HIVEP1: variants seen among roughly 807,000 people sequenced by gnomAD.
HIVEP1 encodes the protein zinc finger protein 40.
A neutral mutation model predicts 180.0 loss-of-function variants in HIVEP1; 36 were observed. The ratio of observed to expected loss-of-function variants is 0.20; its 90% CI spans 0.15 to 0.26. The LOEUF (loss-of-function observed/expected upper bound fraction) is 0.26. Among genes scored for constraint, HIVEP1 ranks in the 10% least tolerant of loss-of-function variants. The pLI is 1.00. For synonymous variants in HIVEP1, 1,239 were observed against 1,239.0 expected, an observed-to-expected ratio of 1.00 and a Z score of 0.00; for missense variants, 3,143 against 3,268.7, an observed-to-expected ratio of 0.96 and a Z score of 0.94.
At position 12,125,324 on chromosome 6, in the gene HIVEP1, C is replaced by T. The variant is rs758098427; in HGVS notation, c.5529C>T (p.Cys1843=). 6.2e-6 allele frequency: 10 copies of T among 1,613,904 alleles called. No homozygotes were observed. The Admixed American group carries it at 1.5e-4, about 24-fold the overall frequency. ...VLPADNSSTG[C]SKFVVIEPIS... is the part of the protein sequence containing the mutation. ...CAGCTGATAATTCATCAACAGGATGCTCTAAATTTGTCGTTATAGAACCTA... is the reference window on the plus strand; with the variant it reads ...CAGCTGATAATTCATCAACAGGATGTTCTAAATTTGTCGTTATAGAACCTA... The change falls in exon 4 of 9, where the codon TGC becomes TGT. Residue 1843 remains cysteine (C), a synonymous_variant. Coordinates refer to ENST00000379388, the MANE Select transcript of HIVEP1 (RefSeq NM_002114.4).
intron 7 of HIVEP1, among the ~76,000 whole-genome samples, chr6:12,141,852 C>T (rs1265567407): frequency 6.6e-6 from 1 of 151,978 alleles, no homozygotes; most frequent in African/African-American, 2.4e-5. Context: ...AATATATATG[C>T]ACCCAATACA....
chr6:12,160,370 A>C (rs1760321130), intron 7 of HIVEP1, among the ~76,000 whole-genome samples: 1 of 152,222 alleles, frequency 6.6e-6, no homozygotes, highest in Non-Finnish European at 1.5e-5. Flanking sequence ...ATCATATCAC[A>C]GAAGAAATTG....
intron 2 of HIVEP1, among the ~76,000 whole-genome samples, chr6:12,029,998 G>A (rs1299961749): frequency 6.6e-6 from 1 of 152,000 alleles, no homozygotes; most frequent in East Asian, 1.9e-4. Context: ...CAGCAACGTT[G>A]CTTTTTTAAT....
At chr6:12,087,464 G>C (rs963033614) in intron 2 of HIVEP1, among the ~76,000 whole-genome samples, 6 of 151,988 alleles carry the variant, frequency 3.9e-5, no homozygotes, top group Admixed American at 1.3e-4. Flanking sequence ...TATTATTTAT[G>C]ATTCTTAAGT....
chr6:12,198,058 T>C, the HIVEP1 span, among the ~76,000 whole-genome samples: 1 of 152,192 alleles, frequency 6.6e-6, no homozygotes, highest in African/African-American at 2.4e-5. Context: ...GCTATTGGCC[T>C]CAATGTTGGA....
intron 3 of HIVEP1, among the ~76,000 whole-genome samples, chr6:12,101,843 A>G (rs1289438294): frequency 1.3e-5 from 2 of 152,066 alleles, no homozygotes; most frequent in Admixed American, 1.3e-4. Flanking sequence ...CTGACTATAC[A>G]CTGTCTGCAC....
chr6:12,154,937 T>C (rs1759934169), intron 7 of HIVEP1, among the ~76,000 whole-genome samples: 1 of 152,224 alleles, frequency 6.6e-6, no homozygotes, highest in Non-Finnish European at 1.5e-5. Flanking sequence ...AACCCAGCTT[T>C]TGGTTTCCTT....
the HIVEP1 span, among the ~76,000 whole-genome samples, chr6:12,195,004 C>T: frequency 1.3e-5 from 2 of 152,094 alleles, no homozygotes; most frequent in African/African-American, 2.4e-5. Context: ...TCTTTGTCCT[C>T]TATAAAGAGG....
At chr6:12,096,557 T>TA (rs1297161206) in intron 3 of HIVEP1, among the ~76,000 whole-genome samples, 4 of 151,588 alleles carry the variant, frequency 2.6e-5, no homozygotes, top group Non-Finnish European at 4.4e-5. Context: ...ATGATATTAT[T>TA]AAAAAAATAT....
Position 12,123,666 on chromosome 6 carries a change from C to T in HIVEP1, c.3871C>T (p.His1291Tyr). The T allele has an allele frequency of 2.5e-6, 4 of 1,614,018 alleles. No homozygotes were observed. Among genetic ancestry groups the T allele is most frequent in the Non-Finnish European group, 3.4e-6 (4 of 1,180,000 alleles). The stretch of plus-strand genomic sequence containing the variant: ...AAGGCTCCGTCTGGCTGAGATAGAA[C>T]ATTCCTCAACAGAATCGAGCTTTGA... ...KKRLRLAEIE[H>Y]SSTESSFDST... Residue 1291 changes from histidine (H) to tyrosine (Y), a missense_variant, in exon 4 of 9, where the codon CAT becomes TAT. His to Tyr is a moderately conservative substitution (Grantham distance 83). Transcript: ENST00000379388.
chr6:12,171,603 AAAT>A, the HIVEP1 span, among the ~76,000 whole-genome samples: 1 of 151,708 alleles, frequency 6.6e-6, no homozygotes, highest in Admixed American at 6.5e-5. Context: ...CACAGAGCAG[AAAT>A]AATAAAAAAG....
chr6:12,075,088 C>T (rs1772261344), intron 2 of HIVEP1, among the ~76,000 whole-genome samples: 2 of 152,232 alleles, frequency 1.3e-5, no homozygotes, highest in South Asian at 4.1e-4. Flanking sequence ...CCGCCCCTTT[C>T]CTCAGGGCTG....
At chr6:12,008,148 C>A (rs1318299937), upstream of HIVEP1, 1 of 152,036 alleles carries the variant, frequency 6.6e-6, no homozygotes, top group Non-Finnish European at 1.5e-5. Flanking sequence ...AAAAGAAAAT[C>A]AACAGTTACA....
rs1192092497 is a variant in HIVEP1 at position 12,123,765 on chromosome 6, A to G, written c.3970A>G (p.Ile1324Val). The G allele has an allele frequency of 6.2e-7, 1 of 1,614,204 alleles. No homozygotes were observed. Among genetic ancestry groups the G allele is most frequent in the African/African-American group, 1.3e-5 (1 of 75,050 alleles). Residue 1324 changes from isoleucine (I) to valine (V), a missense_variant, in exon 4 of 9, where the codon ATA becomes GTA. Physicochemically the swap from Ile to Val is conservative, Grantham distance 29. Around this residue, in one of 12 missense-constraint regions of HIVEP1, gnomAD observed 1,357 missense variants for 1,260.5 expected, o/e 1.08. Transcript: ENST00000379388. Reference sequence around the variant, plus strand: ...TTCAAGTTTCTCAGCCTCTTTAGACATAGAGGACGTTTCTAAAACGGAGGC... The same window carrying G: ...TTCAAGTTTCTCAGCCTCTTTAGACGTAGAGGACGTTTCTAAAACGGAGGC... ...HTSSFSASLDIEDVSKTEASP... is the reference protein window; with the variant it reads ...HTSSFSASLDVEDVSKTEASP...
chr6:12,135,838 G>T lies in HIVEP1; in HGVS notation c.6433G>T (p.Val2145Leu), dbSNP rs372234613. ...GTCCAAGGCACATAGCAAGAAATGT[G>T]TGGATTTAGGCGTCTCAGTAGGTTT... The part of the protein sequence containing the change: ...MKSKAHSKKC[V>L]DLGVSVGLID... Residue 2145 changes from valine to leucine, a missense_variant, in exon 7 of 9, where the codon GTG (valine) becomes TTG (leucine). This residue lies in a region of HIVEP1 where 126 missense variants were observed against 168.5 expected (regional missense o/e 0.75). Transcript: ENST00000379388. 6.2e-7 allele frequency: 1 copy of T among 1,612,886 alleles called. No individual in the cohort carries two copies. Among genetic ancestry groups the T allele is most frequent in the Non-Finnish European group, 8.5e-7 (1 of 1,179,112 alleles).
intron 2 of HIVEP1, chr6:12,020,524 C>A (rs1440651298): frequency 1.6e-5 from 7 of 451,232 alleles, no homozygotes; most frequent in Non-Finnish European, 2.8e-5. Context: ...TTCGCTTGGA[C>A]CCTTGAGTAA....
At chr6:12,211,409 A>G in the HIVEP1 span, among the ~76,000 whole-genome samples, 7 of 125,464 alleles carry the variant, frequency 5.6e-5, no homozygotes, top group Non-Finnish European at 6.6e-5. Context: ...CAAAAAAAAA[A>G]AAAAAGAAAA....
chr6:12,128,309 C>T (rs906847129), intron 4 of HIVEP1, among the ~76,000 whole-genome samples: 2 of 152,164 alleles, frequency 1.3e-5, no homozygotes, highest in African/African-American at 4.8e-5. Flanking sequence ...TTTTGAGGAA[C>T]ATGGGCCAGC....
chr6:12,195,205 C>G, the HIVEP1 span, among the ~76,000 whole-genome samples: 5 of 152,312 alleles, frequency 3.3e-5, no homozygotes, highest in African/African-American at 9.6e-5. Flanking sequence ...CAAAGTTGGA[C>G]GAATCTAGCT....
Sources: gnomAD v4.1 joint callset for allele counts (sites outside exome capture counted in the v4.1 genomes callset) on GRCh38, gnomAD v4.1.1 for gene constraint, gnomAD v4.1.1 regional missense constraint, MANE v1.5 for transcripts, NCBI Gene and HGNC (gene_info 2026-07-23, HGNC 2026-07-21) for gene names.